FBXL13: variants seen among roughly 807,000 people sequenced by gnomAD.
FBXL13 encodes the protein F-box and leucine-rich repeat protein 13.
A neutral mutation model predicts 83.6 loss-of-function variants in FBXL13; 67 were observed. The observed-to-expected ratio is 0.80, with a 90% CI of 0.66 to 0.98. The LOEUF (loss-of-function observed/expected upper bound fraction) is 0.98. Among genes scored for constraint, FBXL13 ranks in the 50% least tolerant of loss-of-function variants. The probability of loss-of-function intolerance (pLI) is 0.00; values close to 1 mark genes in which losing one functional copy is unlikely to be tolerated. For missense variants in FBXL13, 822 were observed against 866.5 expected (o/e 0.95, Z 0.64); for synonymous variants, 272 against 299.5 (o/e 0.91, Z 0.95).
At chr7:103,069,727 A>G (rs1279842827) in intron 1 of FBXL13, among the ~76,000 whole-genome samples, 1 of 152,226 alleles carries the variant, frequency 6.6e-6, no homozygotes, top group Non-Finnish European at 1.5e-5. Context: ...GCGAAAGAGT[A>G]TATCATCTGG....
exon 7 of FBXL13, chr7:102,968,053 A>G: frequency 6.2e-7 from 1 of 1,613,964 alleles, no homozygotes; most frequent in Non-Finnish European, 8.5e-7. Context: ...TTGTGTCATC[A>G]ACATCCAGGC....
intron 10 of FBXL13, among the ~76,000 whole-genome samples, chr7:102,918,252 C>CA (rs1298509510): frequency 1.3e-5 from 2 of 151,838 alleles, no homozygotes; most frequent in African/African-American, 4.8e-5. Context: ...TTTTATATGG[C>CA]AAAAAAATCA....
At chr7:102,952,756 G>A (rs1282081217) in intron 8 of FBXL13, among the ~76,000 whole-genome samples, 1 of 152,184 alleles carries the variant, frequency 6.6e-6, no homozygotes, top group African/African-American at 2.4e-5. Flanking sequence ...GGCTGAGGCA[G>A]GTGGATCACT....
At chr7:102,959,052 TATAGGA>T (rs1585133983) in intron 8 of FBXL13, among the ~76,000 whole-genome samples, 1 of 152,050 alleles carries the variant, frequency 6.6e-6, no homozygotes, top group Admixed American at 6.6e-5. Flanking sequence ...AGAGAAAAGA[TATAGGA>T]ATAGGCATGA....
chr7:103,056,518 G>C (rs1294645395), intron 1 of FBXL13, among the ~76,000 whole-genome samples: 2 of 152,038 alleles, frequency 1.3e-5, no homozygotes, highest in African/African-American at 4.8e-5. Context: ...GAGTGCAATG[G>C]TGCTATCTCG....
intron 17 of FBXL13, among the ~76,000 whole-genome samples, chr7:102,854,518 T>C (rs560702061): frequency 6.6e-6 from 1 of 152,348 alleles, no homozygotes; most frequent in East Asian, 1.9e-4. Context: ...ACTTAAAGTA[T>C]AATTAAAAAA....
intron 18 of FBXL13, among the ~76,000 whole-genome samples, chr7:102,826,724 CATATATATATATA>C (rs1375714106): frequency 1.6e-5 from 1 of 62,712 alleles, no homozygotes; most frequent in Admixed American, 2.4e-4. Context: ...GACCCTGTCT[CATATATATATATA>C]TATATATATA....
chr7:103,010,603 A>C (rs1331062373), intron 6 of FBXL13, among the ~76,000 whole-genome samples: 1 of 152,012 alleles, frequency 6.6e-6, no homozygotes. Flanking sequence ...AGCCAAGGTG[A>C]TTCTGCCATT....
Position 102,932,012 on chromosome 7 carries a change from C to T in FBXL13, c.725-79G>A, listed in dbSNP as rs1310940816. On this transcript the variant is annotated intron_variant, in intron 8 of 19. Transcript: ENST00000313221. ...AAGTTTTTCTATCTTACATTGAATG[C>T]AATGTATTCATTAGAAAACAAACAA... The T allele has an allele frequency of 3.9e-6, 5 of 1,291,196 alleles. 1 individual carries two copies. The Middle Eastern group carries it at 7.5e-4, about 193-fold the overall frequency. The allele number at this position is 1,291,196 out of a possible 1,614,324, so 80.0% of individuals were successfully genotyped here. A position where few individuals can be genotyped will look rare whatever the true frequency, so the allele number is the denominator to read the frequency against.
rs190360738 is a variant in FBXL13 at position 103,070,977 on chromosome 7, T to C, written c.-105+3269A>G. ...GAAAAAGGCAAACTGAATGAAAAGA[T>C]GCATAATTCTAATAATCAGAATTTA... On this transcript the variant is annotated intron_variant, in intron 1 of 19. Coordinates refer to ENST00000313221, the Ensembl canonical transcript of FBXL13. Among the ~76,000 whole-genome samples, 13 of 152,338 alleles carry C rather than the reference T, an allele frequency of 8.5e-5. No individual in the cohort carries two copies. The East Asian group carries it at 1.3e-3, about 16-fold the overall frequency.
chr7:103,048,702 C>T lies in FBXL13; in HGVS notation c.-1+6942G>A, dbSNP rs182872386. Among the ~76,000 whole-genome samples the T allele has an allele frequency of 1.6e-3, 243 of 152,278 alleles. 1 individual carries two copies. The highest frequency in any genetic ancestry group is 8.8e-4 in the Non-Finnish European group (60 of 67,996). ...TGCTTTTATTTCAATGTTCAATTTA[C>T]AGAAAAACTGAACAATACACTTTTA... On this transcript the variant is annotated intron_variant, in intron 2 of 19. Coordinates refer to ENST00000313221, the Ensembl canonical transcript of FBXL13.
At chr7:102,942,116 T>G (rs1456559668) in intron 8 of FBXL13, among the ~76,000 whole-genome samples, 2 of 152,208 alleles carry the variant, frequency 1.3e-5, no homozygotes, top group African/African-American at 4.8e-5. Flanking sequence ...TTTCCCCCTT[T>G]GTTCAATTCA....
At chr7:103,038,164 C>T in intron 2 of FBXL13, among the ~76,000 whole-genome samples, 1 of 152,224 alleles carries the variant, frequency 6.6e-6, no homozygotes, top group East Asian at 1.9e-4. Flanking sequence ...CCATGCCTGG[C>T]TCGGTGAGTC....
chr7:102,946,819 C>T (rs991628627), intron 8 of FBXL13, among the ~76,000 whole-genome samples: 8 of 151,960 alleles, frequency 5.3e-5, no homozygotes, highest in Admixed American at 1.3e-4. Flanking sequence ...GGATTACAGG[C>T]GCCCACCACC....
chr7:102,948,980 G>A (rs1386070133), intron 8 of FBXL13, among the ~76,000 whole-genome samples: 1 of 152,176 alleles, frequency 6.6e-6, no homozygotes, highest in Admixed American at 6.5e-5. Context: ...TCAAAGTACT[G>A]GGATTACAGG....
At chr7:103,010,567 T>C (rs549940699) in intron 6 of FBXL13, among the ~76,000 whole-genome samples, 198 of 152,212 alleles carry the variant, frequency 1.3e-3, no homozygotes, top group South Asian at 2.1e-3. Flanking sequence ...CCTCAGTCTA[T>C]AGTGCAGTAG....
At chr7:103,033,845 T>C (rs1794783217) in intron 2 of FBXL13, among the ~76,000 whole-genome samples, 1 of 152,124 alleles carries the variant, frequency 6.6e-6, no homozygotes, top group East Asian at 1.9e-4. Context: ...CCCACCCACA[T>C]CCTGCTGATC....
chr7:102,993,090 GT>G (rs1829747708), intron 6 of FBXL13, among the ~76,000 whole-genome samples: 1 of 152,092 alleles, frequency 6.6e-6, no homozygotes, highest in African/African-American at 2.4e-5. Flanking sequence ...ATAGAGCAAT[GT>G]GGTTGTGGAA....
chr7:102,963,587 G>A (rs1825619544), exon 8 of FBXL13: 1 of 1,612,860 alleles, frequency 6.2e-7, no homozygotes, highest in East Asian at 2.2e-5. Flanking sequence ...TTCAAACGCA[G>A]CACATTTAAA....
Sources: gnomAD v4.1 joint callset for allele counts (sites outside exome capture counted in the v4.1 genomes callset) on GRCh38, gnomAD v4.1.1 for gene constraint, MANE v1.5 for transcripts, NCBI Gene and HGNC (gene_info 2026-07-23, HGNC 2026-07-21) for gene names.